Variants in PCCA observed in about 807,000 individuals in gnomAD.
PCCA encodes propionyl-CoA carboxylase subunit alpha.
Under a neutral mutation model 101.3 loss-of-function variants are expected in PCCA, and 74 were observed. That is an observed-to-expected ratio of 0.73 (90% CI 0.61 to 0.89). The LOEUF (loss-of-function observed/expected upper bound fraction) is 0.89, where lower values mean the gene tolerates loss of function less well. Among genes scored for constraint, PCCA ranks in the 40% least tolerant of loss-of-function variants. The probability of loss-of-function intolerance (pLI) is 0.00; values close to 1 mark genes in which losing one functional copy is unlikely to be tolerated. For synonymous variants in PCCA, 294 were observed against 313.6 expected (o/e 0.94, Z 0.66); for missense variants, 891 against 907.0 (o/e 0.98, Z 0.23).
At position 100,118,071 on chromosome 13, in the gene PCCA, G is replaced by A. The variant is rs984124086; in HGVS notation, c.300+6010G>A. On this transcript the variant is annotated intron_variant, in intron 4 of 23. Transcript: ENST00000376285. ...GCGGAGCTTGCAGTGAGCTGAGATC[G>A]TGCCACTGCAGTCCAGCCTGGGCGA... Among the ~76,000 whole-genome samples, 13 of 149,648 alleles carry A rather than the reference G, an allele frequency of 8.7e-5. No individual in the cohort carries two copies. In the South Asian group the frequency reaches 1.7e-3, roughly 19 times the overall value.
intron 21 of PCCA, among the ~76,000 whole-genome samples, chr13:100,494,887 T>C (rs1356381529): frequency 1.3e-5 from 2 of 152,132 alleles, no homozygotes; most frequent in Non-Finnish European, 2.9e-5. Context: ...ATTTATTTTA[T>C]CCCAAGACTT....
chr13:100,523,677 C>T (rs1391623456), intron 22 of PCCA, among the ~76,000 whole-genome samples: 3 of 152,170 alleles, frequency 2.0e-5, no homozygotes, highest in Admixed American at 1.3e-4. Context: ...ACCTTGACCT[C>T]GTGTCAAAGG....
chr13:100,356,783 T>C (rs1454014489), intron 18 of PCCA, among the ~76,000 whole-genome samples: 2 of 152,202 alleles, frequency 1.3e-5, no homozygotes, highest in Non-Finnish European at 2.9e-5. Flanking sequence ...AGTGGCATTT[T>C]TCATAATAGC....
chr13:100,209,420 A>G lies in PCCA; in HGVS notation c.557A>G (p.Lys186Arg), dbSNP rs1330363870. The change falls in exon 7 of 24, where the codon AAA (lysine) becomes AGA (arginine). Residue 186 changes from lysine (K) to arginine (R), a missense_variant. By Grantham distance (26) the Lys-to-Arg change is conservative. Transcript: ENST00000376285. Reference protein sequence around the residue: ...DKIESKLLAKKAEVNTIPGFD... With the variant: ...DKIESKLLAKRAEVNTIPGFD... ...ATTGAAAGCAAATTATTAGCTAAGA[A>G]AGCAGAGGTTAATACAATCCCTGGC... 6.2e-7 allele frequency: 1 copy of G among 1,613,720 alleles called. No individual in the cohort carries two copies. Among genetic ancestry groups the G allele is most frequent in the Admixed American group, 1.7e-5 (1 of 60,030 alleles).
chr13:100,219,258 A>G (rs532705585), intron 7 of PCCA, among the ~76,000 whole-genome samples: 120 of 152,250 alleles, frequency 7.9e-4, no homozygotes, highest in African/African-American at 2.8e-3. Flanking sequence ...GTATAATTAT[A>G]TATTTTTTTG....
intron 16 of PCCA, among the ~76,000 whole-genome samples, chr13:100,329,891 C>G (rs1164485177): frequency 3.9e-5 from 6 of 152,162 alleles, no homozygotes; most frequent in African/African-American, 1.4e-4. Context: ...CTCAGCAAAT[C>G]GATGGGATAC....
intron 12 of PCCA, among the ~76,000 whole-genome samples, chr13:100,295,354 G>A (rs753718635): frequency 6.6e-6 from 1 of 152,174 alleles, no homozygotes; most frequent in Non-Finnish European, 1.5e-5. Context: ...TCATATTTCA[G>A]TGGGTAATCA....
At chr13:100,416,675 C>A (rs1016766971) in intron 19 of PCCA, among the ~76,000 whole-genome samples, 3 of 151,892 alleles carry the variant, frequency 2.0e-5, no homozygotes, top group Non-Finnish European at 4.4e-5. Context: ...CAGACACTCG[C>A]CACCACGCCC....
At chr13:100,265,946 G>C (rs1157318635) in intron 10 of PCCA, among the ~76,000 whole-genome samples, 1 of 152,134 alleles carries the variant, frequency 6.6e-6, no homozygotes, top group Non-Finnish European at 1.5e-5. Context: ...TTTTGAGGGA[G>C]GAAATCAGGT....
intron 4 of PCCA, among the ~76,000 whole-genome samples, chr13:100,150,312 G>T (rs377135219): frequency 6.6e-6 from 1 of 152,074 alleles, no homozygotes; most frequent in Non-Finnish European, 1.5e-5. Context: ...GATTGCAGGC[G>T]TGAGCTACTG....
chr13:100,461,803 C>T (rs2082182531), intron 21 of PCCA, among the ~76,000 whole-genome samples: 1 of 152,164 alleles, frequency 6.6e-6, no homozygotes, highest in Admixed American at 6.5e-5. Flanking sequence ...TGAGTTGGCT[C>T]TTGGCAGTTA....
intron 12 of PCCA, among the ~76,000 whole-genome samples, chr13:100,276,482 A>AT (rs982378039): frequency 5.2e-4 from 79 of 151,862 alleles, no homozygotes; most frequent in African/African-American, 1.4e-3. Flanking sequence ...ATGTCTTTTA[A>AT]TTTTTTTTGG....
intron 16 of PCCA, among the ~76,000 whole-genome samples, chr13:100,319,775 C>T (rs1324903436): frequency 3.3e-5 from 5 of 152,144 alleles, no homozygotes; most frequent in African/African-American, 9.7e-5. Context: ...AGCATGATGC[C>T]TCCAGGTTTG....
chr13:100,127,400 TTAA>T (rs891987182), intron 4 of PCCA, among the ~76,000 whole-genome samples: 1 of 152,200 alleles, frequency 6.6e-6, no homozygotes, highest in Non-Finnish European at 1.5e-5. Flanking sequence ...AAATATTGTA[TTAA>T]TATATCTTTT....
intron 2 of PCCA, among the ~76,000 whole-genome samples, chr13:100,110,890 C>T (rs1399395027): frequency 6.6e-6 from 1 of 152,150 alleles, no homozygotes; most frequent in Non-Finnish European, 1.5e-5. Flanking sequence ...TCACTGCAAC[C>T]TCCGCCTCCC....
At position 100,314,227 on chromosome 13, in the gene PCCA, G is replaced by A. The variant is rs150412042; in HGVS notation, c.1429+4319G>A. On this transcript the variant is annotated intron_variant, in intron 16 of 23. Transcript: ENST00000376285. ...TACTATTATCAGTTTATTATAAAGG[G>A]TACAGCTTGAGAGTAACCCAGTGGA... Among the ~76,000 whole-genome samples, 893 of 152,226 alleles carry A rather than the reference G, an allele frequency of 5.9e-3. 11 individuals are homozygous for A. The highest frequency in any genetic ancestry group is 0.013 in the African/African-American group (532 of 41,542).
intron 22 of PCCA, 123 bp from the exon 23 acceptor site, chr13:100,527,552 T>G (rs146242337): frequency 2.1e-5 from 15 of 730,758 alleles, no homozygotes; most frequent in Non-Finnish European, 3.8e-5. Flanking sequence ...TTAGAGATTG[T>G]TGCTGCTGTT....
At chr13:100,212,406 G>C (rs1189694858) in intron 7 of PCCA, among the ~76,000 whole-genome samples, 1 of 152,112 alleles carries the variant, frequency 6.6e-6, no homozygotes, top group African/African-American at 2.4e-5. Context: ...TTTACTTCCT[G>C]ATCCATTAAG....
chr13:100,450,713 G>A (rs938990494), intron 21 of PCCA, among the ~76,000 whole-genome samples: 3 of 152,152 alleles, frequency 2.0e-5, no homozygotes, highest in Admixed American at 1.3e-4. Flanking sequence ...ATGCTTTATC[G>A]ATTATAGAGA....
Sources: allele counts gnomAD v4.1 joint callset (sites outside exome capture counted in the v4.1 genomes callset), GRCh38; gene constraint gnomAD v4.1.1; transcripts MANE v1.5; gene names NCBI Gene and HGNC (gene_info 2026-07-23, HGNC 2026-07-21).